KIF5C: variants seen among roughly 807,000 people sequenced by gnomAD.
KIF5C encodes kinesin family member 5C.
A neutral mutation model predicts 125.2 loss-of-function variants in KIF5C; 18 were observed. The ratio of observed to expected loss-of-function variants is 0.14; its 90% CI spans 0.10 to 0.21. The LOEUF (loss-of-function observed/expected upper bound fraction) is 0.21. KIF5C is among the 10% of genes least tolerant of loss of function. The pLI is 1.00. For synonymous variants in KIF5C, 405 were observed against 434.0 expected, an observed-to-expected ratio of 0.93 and a Z score of 0.83; for missense variants, 780 against 1,183.8, an observed-to-expected ratio of 0.66 and a Z score of 5.01.
chr2:148,895,166 T>C (rs1408383335), intron 1 of KIF5C, among the ~76,000 whole-genome samples: 1 of 152,090 alleles, frequency 6.6e-6, no homozygotes, highest in East Asian at 1.9e-4. Flanking sequence ...TTTTTTGAGA[T>C]GGAGTCTCTT....
intron 8 of KIF5C, chr2:148,947,769 TC>T (rs1371704967): frequency 2.5e-6 from 1 of 397,744 alleles, no homozygotes; most frequent in Non-Finnish European, 5.1e-6. Flanking sequence ...CTGACCTCCC[TC>T]GAGCAACATC....
chr2:149,007,946 C>T lies in KIF5C; in HGVS notation c.2446-17C>T. ...TGGGTGACAGCCTGTCCTGCTGACCCCTTGGTGTCAATGCAGAGTGTGGAG... is the reference window on the plus strand; with the variant it reads ...TGGGTGACAGCCTGTCCTGCTGACCTCTTGGTGTCAATGCAGAGTGTGGAG... On this transcript the variant is annotated splice_polypyrimidine_tract_variant and intron_variant, in intron 22 of 25. Transcript: ENST00000435030. The T allele has an allele frequency of 6.3e-7, 1 of 1,576,698 alleles. No individual in the cohort carries two copies. Among genetic ancestry groups the T allele is most frequent in the South Asian group, 1.2e-5 (1 of 85,652 alleles).
chr2:148,976,920 A>G (rs1681093493), intron 12 of KIF5C, among the ~76,000 whole-genome samples: 1 of 152,208 alleles, frequency 6.6e-6, no homozygotes, highest in Non-Finnish European at 1.5e-5. Context: ...AGTATAAAAT[A>G]CTTTCTGAAA....
chr2:149,003,705 A>T (rs1181219848), intron 21 of KIF5C, among the ~76,000 whole-genome samples: 2 of 152,220 alleles, frequency 1.3e-5, no homozygotes, highest in Non-Finnish European at 1.5e-5. Context: ...ATTTTAAATG[A>T]TTTATACTAC....
At chr2:149,014,887 G>A (rs1018006035) in intron 25 of KIF5C, among the ~76,000 whole-genome samples, 1 of 152,088 alleles carries the variant, frequency 6.6e-6, no homozygotes. Flanking sequence ...CTGACATAAG[G>A]GCTTTTAAAG....
intron 3 of KIF5C, among the ~76,000 whole-genome samples, chr2:148,933,869 TAC>T (rs1230674243): frequency 8.0e-4 from 117 of 145,742 alleles, no homozygotes; most frequent in Non-Finnish European, 8.5e-4. Context: ...CACCATAATA[TAC>T]ACACAGACAC....
chr2:148,937,279 A>G lies in KIF5C; in HGVS notation c.292-5A>G. ...ACTGCCCGTGTTTGTATTTTCGCCC[A>G]CTAGGGGAAGCTGCATGACCCCCAG... On this transcript the variant is annotated splice_region_variant and splice_polypyrimidine_tract_variant and intron_variant, in intron 3 of 25. Transcript: ENST00000435030. The G allele has an allele frequency of 1.9e-6, 3 of 1,584,694 alleles. No homozygotes were observed. The highest frequency in any genetic ancestry group is 2.6e-6 in the Non-Finnish European group (3 of 1,164,124).
chr2:148,998,677 G>T, intron 19 of KIF5C, 168 bp downstream of exon 19: 3 of 1,149,426 alleles, frequency 2.6e-6, no homozygotes, highest in African/African-American at 1.6e-5. Flanking sequence ...TCTGTTCTCC[G>T]ATCTGGAGCT....
At chr2:148,989,658 A>AT (rs1054726921) in intron 15 of KIF5C, among the ~76,000 whole-genome samples, 4 of 151,256 alleles carry the variant, frequency 2.6e-5, no homozygotes, top group South Asian at 2.1e-4. Context: ...ATTTTTTTTT[A>AT]TTTTTTTTAT....
chr2:148,887,697 A>C (rs1476576170), intron 1 of KIF5C, among the ~76,000 whole-genome samples: 1 of 151,108 alleles, frequency 6.6e-6, no homozygotes, highest in Admixed American at 6.6e-5. Context: ...TTTTTTTTAA[A>C]TTCAACTTCC....
intron 1 of KIF5C, among the ~76,000 whole-genome samples, chr2:148,921,888 C>A (rs886739313): frequency 1.3e-5 from 2 of 151,968 alleles, no homozygotes; most frequent in African/African-American, 4.8e-5. Flanking sequence ...CTCAACCTAC[C>A]CTTCATTTAA....
intron 21 of KIF5C, 111 bp from the exon 22 acceptor site, chr2:149,005,282 C>A: frequency 6.6e-7 from 1 of 1,509,974 alleles, no homozygotes; most frequent in Non-Finnish European, 8.9e-7. Flanking sequence ...GGGGGTGCAC[C>A]AGCGGCGTCC....
At chr2:148,891,562 G>C (rs1025840479) in intron 1 of KIF5C, among the ~76,000 whole-genome samples, 1 of 152,144 alleles carries the variant, frequency 6.6e-6, no homozygotes, top group Non-Finnish European at 1.5e-5. Context: ...ATTTCATGCA[G>C]AGCAATTTTC....
At chr2:148,930,989 T>A (rs1682170615) in intron 3 of KIF5C, among the ~76,000 whole-genome samples, 1 of 152,156 alleles carries the variant, frequency 6.6e-6, no homozygotes, top group South Asian at 2.1e-4. Context: ...CAGTTCTACA[T>A]TTCCTGTGTC....
intron 11 of KIF5C, among the ~76,000 whole-genome samples, chr2:148,971,675 A>C (rs1680915793): frequency 6.6e-6 from 1 of 152,218 alleles, no homozygotes; most frequent in East Asian, 1.9e-4. Flanking sequence ...GTTTTGCTTC[A>C]AGTTGCTGCT....
At chr2:148,920,250 T>C (rs530567239) in intron 1 of KIF5C, among the ~76,000 whole-genome samples, 1 of 152,360 alleles carries the variant, frequency 6.6e-6, no homozygotes, top group East Asian at 1.9e-4. Context: ...GGATTTGTTT[T>C]AAATTAAGCA....
intron 1 of KIF5C, among the ~76,000 whole-genome samples, chr2:148,895,748 G>A (rs915286381): frequency 4.7e-4 from 71 of 152,058 alleles, no homozygotes; most frequent in Admixed American, 4.2e-3. Context: ...GCCCAAGATC[G>A]AGGTGCCAAG....
chr2:149,009,404 T>C (rs547679252), intron 23 of KIF5C, among the ~76,000 whole-genome samples: 120 of 152,276 alleles, frequency 7.9e-4, no homozygotes, highest in African/African-American at 2.7e-3. Flanking sequence ...GTAGCTCACT[T>C]TGGTGTAGCA....
In KIF5C at chr2:148,875,434, T is replaced by C; in HGVS notation, c.-184T>C. 1.8e-6 allele frequency: 1 copy of C among 557,510 alleles called. No individual in the cohort carries two copies. Among genetic ancestry groups the C allele is most frequent in the East Asian group, 3.3e-5 (1 of 29,964 alleles). 34.5% of individuals were successfully genotyped at this position (557,510 alleles called of 1,614,324 possible). ...GCCGGAGCGGAGAAGCTGCCCACCTTCCCGGGCTCGGAGCGGCCGGGGCTG... is the reference window on the plus strand; with the variant it reads ...GCCGGAGCGGAGAAGCTGCCCACCTCCCCGGGCTCGGAGCGGCCGGGGCTG... On this transcript the variant is annotated 5_prime_UTR_variant, in exon 1 of 26. Coordinates refer to ENST00000435030, the MANE Select transcript of KIF5C (RefSeq NM_004522.3).
Sources: allele counts gnomAD v4.1 joint callset (sites outside exome capture counted in the v4.1 genomes callset), GRCh38; gene constraint gnomAD v4.1.1; transcripts MANE v1.5; gene names NCBI Gene and HGNC (gene_info 2026-07-23, HGNC 2026-07-21).